Variants in WWP2 observed in about 807,000 individuals in gnomAD.
WWP2 encodes WW domain containing E3 ubiquitin protein ligase 2, also known as NEDD4-like E3 ubiquitin-protein ligase WWP2.
Under a neutral mutation model 121.0 loss-of-function variants are expected in WWP2, and 57 were observed. That is an observed-to-expected ratio of 0.47 (90% confidence interval 0.38 to 0.59). The LOEUF is 0.59. Ranked by LOEUF, WWP2 falls within the 20% of genes least tolerant of loss-of-function variation. WWP2 has a pLI of 0.00. For missense variants in WWP2, 962 were observed against 1,158.9 expected, an observed-to-expected ratio of 0.83 and a Z score of 2.47; for synonymous variants, 449 against 441.3, an observed-to-expected ratio of 1.02 and a Z score of -0.22.
intron 7 of WWP2, among the ~76,000 whole-genome samples, chr16:69,884,604 G>C (rs1411819376): frequency 6.6e-6 from 1 of 152,090 alleles, no homozygotes; most frequent in Non-Finnish European, 1.5e-5. Flanking sequence ...CTCCAGCCTG[G>C]GTGACAGAGC....
intron 6 of WWP2, among the ~76,000 whole-genome samples, chr16:69,865,680 C>T (rs942754267): frequency 6.6e-6 from 1 of 152,236 alleles, no homozygotes; most frequent in Non-Finnish European, 1.5e-5. Context: ...GAAGGGGACA[C>T]ACATGCATGT....
At chr16:69,804,328 T>C (rs1422169745) in intron 4 of WWP2, among the ~76,000 whole-genome samples, 1 of 152,230 alleles carries the variant, frequency 6.6e-6, no homozygotes, top group Non-Finnish European at 1.5e-5. Flanking sequence ...TATGATTTTA[T>C]TTTTTCACAT....
chr16:69,810,120 C>G (rs2056360092), intron 4 of WWP2, among the ~76,000 whole-genome samples: 2 of 152,236 alleles, frequency 1.3e-5, no homozygotes, highest in African/African-American at 4.8e-5. Flanking sequence ...TTCTCCTCTT[C>G]CACGGACAGA....
intron 4 of WWP2, among the ~76,000 whole-genome samples, chr16:69,800,435 T>G (rs1283272215): frequency 1.3e-5 from 2 of 152,186 alleles, no homozygotes. Context: ...TGAGGGTCCT[T>G]TTTTCCTCTT....
intron 7 of WWP2, among the ~76,000 whole-genome samples, chr16:69,879,650 T>TTTGGCTGTTGGAATAATGAGGGTGAGAAC (rs1170919105): frequency 8.5e-5 from 13 of 152,220 alleles, no homozygotes; most frequent in Non-Finnish European, 1.6e-4. Context: ...GTCTCCACCT[T>TTTGGCTGTTGGAATAATGAGGGTGAGAAC]TTGGCTGTTG....
intron 17 of WWP2, among the ~76,000 whole-genome samples, chr16:69,934,493 G>T (rs8049004): frequency 0.8 from 121,183 of 151,370 alleles, 48,923 homozygotes; most frequent in East Asian, 0.96. Context: ...GCCCAGGGTC[G>T]CTGGGCCACA....
chr16:69,867,036 A>G (rs1014676773), intron 6 of WWP2, among the ~76,000 whole-genome samples: 1 of 150,870 alleles, frequency 6.6e-6, no homozygotes, highest in Non-Finnish European at 1.5e-5. Flanking sequence ...GGGTTTTGCC[A>G]TGTTGGCCAG....
At chr16:69,787,861 C>T (rs1326369287) in intron 2 of WWP2, 2 of 152,338 alleles carry the variant, frequency 1.3e-5, no homozygotes, top group Non-Finnish European at 2.9e-5. Flanking sequence ...TTGTCTGTAT[C>T]AACCCATCAG....
chr16:69,857,314 C>T (rs940967810), intron 6 of WWP2, among the ~76,000 whole-genome samples: 6 of 152,126 alleles, frequency 3.9e-5, no homozygotes, highest in Non-Finnish European at 7.4e-5. Context: ...AGGCTGGTCT[C>T]GAACTCCTGA....
intron 9 of WWP2, among the ~76,000 whole-genome samples, chr16:69,913,502 A>G (rs2151968209): frequency 6.6e-6 from 1 of 152,064 alleles, no homozygotes; most frequent in Middle Eastern, 3.4e-3. Flanking sequence ...ACCCTGTCTC[A>G]AAAAATTATA....
intron 10 of WWP2, among the ~76,000 whole-genome samples, chr16:69,919,238 T>A (rs1418901503): frequency 1.3e-5 from 2 of 152,258 alleles, no homozygotes; most frequent in Non-Finnish European, 1.5e-5. Context: ...TGATCTCAGC[T>A]CACTGTAACC....
rs1049302705 is a variant in WWP2, at chr16:69,840,396, C to T, written c.478+133C>T. ...CCACTCAGCCTGGCCCATAGCTAGC[C>T]CGGACTCTTCTTAGCTCCGTGGATC... On this transcript the variant is annotated intron_variant, in intron 5 of 23. Coordinates refer to ENST00000359154, the MANE Select transcript of WWP2 (RefSeq NM_001270454.2). The T allele has an allele frequency of 5.0e-6, 6 of 1,196,032 alleles. No individual in the cohort carries two copies. The East Asian group carries it at 1.5e-4, about 30-fold the overall frequency. 74.1% of individuals were successfully genotyped at this position (1,196,032 alleles called of 1,614,324 possible).
chr16:69,927,130 T>C (rs953332794), intron 11 of WWP2, among the ~76,000 whole-genome samples: 4 of 151,978 alleles, frequency 2.6e-5, no homozygotes, highest in African/African-American at 9.7e-5. Flanking sequence ...AAAACTGTCA[T>C]AGTCTAGAAT....
At chr16:69,842,783 C>T (rs1173496704) in intron 6 of WWP2, among the ~76,000 whole-genome samples, 3 of 152,132 alleles carry the variant, frequency 2.0e-5, no homozygotes, top group Admixed American at 6.5e-5. Flanking sequence ...AATCCACCCA[C>T]CTCAGCATCC....
chr16:69,936,635 T>C, intron 19 of WWP2, 183 bp downstream of exon 19: 1 of 785,582 alleles, frequency 1.3e-6, no homozygotes. Flanking sequence ...AAAGCCGAGG[T>C]CCTTAGTTAC....
intron 7 of WWP2, among the ~76,000 whole-genome samples, chr16:69,885,297 T>C (rs2057905512): frequency 6.6e-6 from 1 of 152,244 alleles, no homozygotes; most frequent in Admixed American, 6.5e-5. Flanking sequence ...CCATCTGTTG[T>C]GTTTTACTGG....
chr16:69,819,020 G>A (rs1167788734), intron 4 of WWP2, among the ~76,000 whole-genome samples: 1 of 152,136 alleles, frequency 6.6e-6, no homozygotes, highest in Non-Finnish European at 1.5e-5. Context: ...TTGAAGCAGT[G>A]ACAATTCTGT....
chr16:69,796,363 T>G (rs992342751), intron 2 of WWP2, among the ~76,000 whole-genome samples: 3 of 152,170 alleles, frequency 2.0e-5, no homozygotes, highest in Non-Finnish European at 4.4e-5. Flanking sequence ...CTGCCGAGCA[T>G]CATAGCTTAG....
Position 69,842,076 on chromosome 16 carries a change from C to T in WWP2, c.531C>T (p.Asn177=), listed in dbSNP as rs148058314. The change falls in exon 6 of 24, where the codon AAC becomes AAT. Residue 177 remains asparagine (N), a synonymous_variant. Coordinates refer to ENST00000359154, the MANE Select transcript of WWP2 (RefSeq NM_001270454.2). ...DSSGTAVAPE[N]RHQPPSTNCF... is the part of the protein sequence containing the mutation. ...GTGGAACAGCAGTAGCTCCAGAGAA[C>T]CGGCACCAGCCCCCCAGCACAAACT... 5 of 1,613,484 alleles carry T rather than the reference C, an allele frequency of 3.1e-6. No homozygotes were observed. The East Asian group carries it at 1.1e-4, about 36-fold the overall frequency.
Sources: allele counts gnomAD v4.1 joint callset (sites outside exome capture counted in the v4.1 genomes callset), GRCh38; gene constraint gnomAD v4.1.1; transcripts MANE v1.5; gene names NCBI Gene and HGNC (gene_info 2026-07-23, HGNC 2026-07-21).